The following CFAP44 variants were observed in gnomAD, a reference collection of about 807,000 sequenced individuals.
CFAP44 encodes the protein cilia- and flagella-associated protein 44.
Under a neutral mutation model 216.2 loss-of-function variants are expected in CFAP44, and 134 were observed. That is an observed-to-expected ratio of 0.62 (90% CI 0.54 to 0.72). The LOEUF (loss-of-function observed/expected upper bound fraction) is 0.72, where lower values mean the gene tolerates loss of function less well. CFAP44 is among the 30% of genes least tolerant of loss of function. The pLI is 0.00. For missense variants in CFAP44, 2,035 were observed against 2,182.1 expected (o/e 0.93, Z 1.34); for synonymous variants, 700 against 727.6 (o/e 0.96, Z 0.61).
rs1200241394 is a variant in CFAP44 at position 113,290,858 on chromosome 3, T to C, written c.*699A>G. On this transcript the variant is annotated 3_prime_UTR_variant, in exon 35 of 35. Coordinates refer to ENST00000393845, the MANE Select transcript of CFAP44 (RefSeq NM_001164496.2). ...AGAAATCTTTAAAGAAAAGCCTCTTTATTGACTGTTTTATTAAGCATGCCC... is the reference window on the plus strand; with the variant it reads ...AGAAATCTTTAAAGAAAAGCCTCTTCATTGACTGTTTTATTAAGCATGCCC... The C allele has an allele frequency of 6.6e-6, 1 of 152,194 alleles. No individual in the cohort carries two copies. The highest frequency in any genetic ancestry group is 1.9e-4 in the East Asian group (1 of 5,198). 9.4% of individuals were successfully genotyped at this position (152,194 alleles called of 1,614,324 possible). A position where few individuals can be genotyped will look rare whatever the true frequency, so the allele number is the denominator to read the frequency against.
chr3:113,406,961 T>A lies in CFAP44; in HGVS notation c.971A>T (p.Asp324Val). The change falls in exon 8 of 35, where the codon GAT (aspartate) becomes GTT (valine). Residue 324 changes from aspartate to valine, a missense_variant. Transcript: ENST00000393845. ...LGRFGKTITT[D>V]IEGYMELPDG... ...TGGGAGCTCCATGTAGCCTTCTATA[T>A]CAGTAGTGATTGTTTTGCCAAATCG... 1 of 1,614,158 alleles carries A rather than the reference T, an allele frequency of 6.2e-7. No individual in the cohort carries two copies. Among genetic ancestry groups the A allele is most frequent in the Non-Finnish European group, 8.5e-7 (1 of 1,180,014 alleles).
At chr3:113,325,056 C>A (rs1002239849) in intron 28 of CFAP44, among the ~76,000 whole-genome samples, 1 of 152,072 alleles carries the variant, frequency 6.6e-6, no homozygotes, top group Non-Finnish European at 1.5e-5. Flanking sequence ...GTAATCCCAG[C>A]ACTTTGGGAG....
At chr3:113,415,234 C>T (rs1176293074) in intron 6 of CFAP44, among the ~76,000 whole-genome samples, 1 of 151,884 alleles carries the variant, frequency 6.6e-6, no homozygotes, top group Non-Finnish European at 1.5e-5. Flanking sequence ...TTTATTGCAT[C>T]TATTTGATTC....
At chr3:113,391,590 C>T (rs538869928) in intron 15 of CFAP44, among the ~76,000 whole-genome samples, 109 of 152,096 alleles carry the variant, frequency 7.2e-4, no homozygotes, top group East Asian at 1.9e-4. Flanking sequence ...GAATTAAATT[C>T]TCTAAATAAA....
At chr3:113,301,589 A>G (rs1039843123) in intron 32 of CFAP44, among the ~76,000 whole-genome samples, 1 of 152,170 alleles carries the variant, frequency 6.6e-6, no homozygotes, top group Admixed American at 6.5e-5. Context: ...TGGGTTAAAA[A>G]CCCAAATGTG....
At chr3:113,312,238 A>ATTTTTTTT (rs769734983) in intron 28 of CFAP44, among the ~76,000 whole-genome samples, 1 of 130,706 alleles carries the variant, frequency 7.7e-6, no homozygotes. Flanking sequence ...TGCCTGGCTA[A>ATTTTTTTT]TTTTTTTTTT....
At chr3:113,294,221 A>G (rs2107785487) in intron 34 of CFAP44, 1 of 285,822 alleles carries the variant, frequency 3.5e-6, no homozygotes, top group East Asian at 9.5e-5. Context: ...TATTAAGTAC[A>G]ATGTTAGGCT....
intron 31 of CFAP44, among the ~76,000 whole-genome samples, chr3:113,304,658 G>C (rs1390361701): frequency 1.3e-5 from 2 of 152,190 alleles, no homozygotes; most frequent in Admixed American, 6.5e-5. Flanking sequence ...CCAATGAGTA[G>C]AGACTAAGCA....
At chr3:113,298,082 C>T (rs913723278) in intron 32 of CFAP44, among the ~76,000 whole-genome samples, 3 of 152,212 alleles carry the variant, frequency 2.0e-5, no homozygotes, top group Admixed American at 2.0e-4. Flanking sequence ...GGCTGCCTGC[C>T]TGGCCTCTCT....
chr3:113,333,463 C>T lies in CFAP44; in HGVS notation c.3558G>A (p.Glu1186=), dbSNP rs374865531. Reference sequence around the variant, plus strand: ...TCTTGGCAGCATTTATTCTCATGTGCTCAGGTATCTTGTAGTCTGGGGCTG... The same window carrying T: ...TCTTGGCAGCATTTATTCTCATGTGTTCAGGTATCTTGTAGTCTGGGGCTG... The part of the protein sequence containing the change: ...LKTAPDYKIP[E]HMRINAAKKE... The change falls in exon 25 of 35, where the codon GAG becomes GAA. Residue 1186 remains glutamate, a synonymous_variant. Coordinates refer to ENST00000393845, the MANE Select transcript of CFAP44 (RefSeq NM_001164496.2). The T allele has an allele frequency of 7.2e-6, 11 of 1,536,968 alleles. No individual in the cohort carries two copies. The African/African-American group carries it at 1.2e-4, about 17-fold the overall frequency.
At chr3:113,436,481 T>C (rs936333133) in intron 1 of CFAP44, among the ~76,000 whole-genome samples, 7 of 152,190 alleles carry the variant, frequency 4.6e-5, no homozygotes, top group African/African-American at 1.4e-4. Context: ...TAATTCAAGA[T>C]GAAGAAATCA....
At chr3:113,392,046 T>C (rs1933855861) in intron 15 of CFAP44, among the ~76,000 whole-genome samples, 1 of 152,162 alleles carries the variant, frequency 6.6e-6, no homozygotes, top group Non-Finnish European at 1.5e-5. Flanking sequence ...GCTAGGTATA[T>C]ACCCAAAAGA....
At chr3:113,351,646 G>C (rs1040237456) in intron 22 of CFAP44, among the ~76,000 whole-genome samples, 1 of 152,134 alleles carries the variant, frequency 6.6e-6, no homozygotes, top group Non-Finnish European at 1.5e-5. Flanking sequence ...GGGATAGTAC[G>C]AGATGCCAAC....
At chr3:113,322,560 T>A (rs181839063) in intron 28 of CFAP44, among the ~76,000 whole-genome samples, 3 of 152,262 alleles carry the variant, frequency 2.0e-5, no homozygotes, top group East Asian at 1.9e-4. Flanking sequence ...CCAGTCAGAA[T>A]AACTATTATT....
At chr3:113,294,896 G>A in intron 33 of CFAP44, 75 bp from the exon 34 acceptor site, 2 of 1,426,830 alleles carry the variant, frequency 1.4e-6, no homozygotes, top group Non-Finnish European at 1.8e-6. Flanking sequence ...GTCCAGATTT[G>A]GTCAAAATCA....
At chr3:113,411,382 G>C (rs200789419) in intron 6 of CFAP44, among the ~76,000 whole-genome samples, 3,831 of 152,158 alleles carry the variant, frequency 0.025, 58 homozygotes, top group East Asian at 0.053. Context: ...AGTTTTCCCA[G>C]CACCATTTAT....
At chr3:113,336,406 AATAAAT>A (rs1309952846) in intron 24 of CFAP44, among the ~76,000 whole-genome samples, 2 of 152,078 alleles carry the variant, frequency 1.3e-5, no homozygotes, top group Admixed American at 6.5e-5. Flanking sequence ...CAGAAATTAA[AATAAAT>A]ATAAGGGAGT....
chr3:113,327,522 G>GC (rs1950198886), intron 27 of CFAP44, 94 bp downstream of exon 27: 1 of 1,152,778 alleles, frequency 8.7e-7, no homozygotes, highest in African/African-American at 1.5e-5. Context: ...ATAAGGGCTA[G>GC]AACAAGTGGG....
chr3:113,364,761 G>A (rs947805378), intron 19 of CFAP44, among the ~76,000 whole-genome samples: 4 of 152,098 alleles, frequency 2.6e-5, no homozygotes, highest in Non-Finnish European at 5.9e-5. Flanking sequence ...GAAGGATAGT[G>A]TATACAATAC....
Sources: gnomAD v4.1 joint callset for allele counts (sites outside exome capture counted in the v4.1 genomes callset) on GRCh38, gnomAD v4.1.1 for gene constraint, MANE v1.5 for transcripts, NCBI Gene and HGNC (gene_info 2026-07-23, HGNC 2026-07-21) for gene names.